CDH13: variants seen among roughly 807,000 people sequenced by gnomAD.
CDH13 encodes the protein cadherin-13.
In CDH13, 24 loss-of-function variants were observed where a neutral mutation model predicts 63.8. The observed-to-expected ratio is 0.38, with a 90% CI of 0.27 to 0.53. The LOEUF (loss-of-function observed/expected upper bound fraction) is 0.53, where lower values mean the gene tolerates loss of function less well. CDH13 is among the 20% of genes least tolerant of loss of function. The probability of loss-of-function intolerance (pLI) is 0.85; values close to 1 mark genes in which losing one functional copy is unlikely to be tolerated. For missense variants in CDH13, 1,049 were observed against 903.1 expected (o/e 1.16, Z -2.07); for synonymous variants, 503 against 355.3 (o/e 1.42, Z -4.67).
At chr16:82,674,047 T>C (rs112273330) in intron 1 of CDH13, among the ~76,000 whole-genome samples, 59 of 152,360 alleles carry the variant, frequency 3.9e-4, no homozygotes, top group African/African-American at 1.4e-3. Flanking sequence ...GCTGATTATG[T>C]TGGTCCTGTT....
chr16:83,081,171 G>A lies in CDH13; in HGVS notation c.367-44214G>A, dbSNP rs149334493. ...GCTGGGATTATAAGCATGAGCCACC[G>A]CACCTGGCAAGATAGAGTCTTTTAA... On this transcript the variant is annotated intron_variant, in intron 3 of 13. Coordinates refer to ENST00000567109, the MANE Select transcript of CDH13 (RefSeq NM_001257.5). 2.4e-4 allele frequency among the ~76,000 whole-genome samples: 37 copies of A among 152,074 alleles called. No homozygotes were observed. In the East Asian group the frequency reaches 4.5e-3, roughly 18 times the overall value.
At chr16:83,745,124 G>T (rs1175486202) in intron 10 of CDH13, among the ~76,000 whole-genome samples, 5 of 152,154 alleles carry the variant, frequency 3.3e-5, no homozygotes, top group African/African-American at 1.2e-4. Context: ...CTCCTGGAGC[G>T]GTGTCCAGCC....
At chr16:83,454,116 C>G (rs951287816) in intron 6 of CDH13, among the ~76,000 whole-genome samples, 1 of 152,192 alleles carries the variant, frequency 6.6e-6, no homozygotes, top group Non-Finnish European at 1.5e-5. Flanking sequence ...CTAGGAGATT[C>G]TCCAAAAGAA....
chr16:83,304,965 G>A (rs530885959), intron 5 of CDH13, among the ~76,000 whole-genome samples: 2 of 152,280 alleles, frequency 1.3e-5, no homozygotes, highest in East Asian at 3.9e-4. Flanking sequence ...TTACAAAGGA[G>A]CATTTTATTT....
Position 83,679,632 on chromosome 16 carries a change from T to G in CDH13, c.1538+1171T>G, listed in dbSNP as rs181467818. On this transcript the variant is annotated intron_variant, in intron 10 of 13. Transcript: ENST00000567109. ...GAATCTGAAATAGCCATTCTTTTTT[T>G]TCTTGTTGCTATCTGACAATGGAAA... Among the ~76,000 whole-genome samples, 3 of 152,354 alleles carry G rather than the reference T, an allele frequency of 2.0e-5. No individual in the cohort carries two copies. In the South Asian group the frequency reaches 6.2e-4, roughly 32 times the overall value.
At chr16:82,810,311 A>G (rs1177894639) in intron 1 of CDH13, among the ~76,000 whole-genome samples, 1 of 152,184 alleles carries the variant, frequency 6.6e-6, no homozygotes, top group Non-Finnish European at 1.5e-5. Context: ...TCTTTGCTAA[A>G]GTTAGGGAGG....
At chr16:82,694,417 A>G (rs936520202) in intron 1 of CDH13, among the ~76,000 whole-genome samples, 2 of 152,226 alleles carry the variant, frequency 1.3e-5, no homozygotes, top group African/African-American at 4.8e-5. Context: ...TCAATGTGAT[A>G]GACAATATTC....
intron 5 of CDH13, among the ~76,000 whole-genome samples, chr16:83,228,379 C>T (rs1352272396): frequency 6.6e-6 from 1 of 152,154 alleles, no homozygotes; most frequent in Non-Finnish European, 1.5e-5. Flanking sequence ...GGTTTGTTTG[C>T]TCAGTATTCA....
intron 1 of CDH13, among the ~76,000 whole-genome samples, chr16:82,790,620 C>T (rs1250101410): frequency 2.0e-5 from 3 of 152,088 alleles, no homozygotes; most frequent in African/African-American, 7.2e-5. Flanking sequence ...TAAGGAAATA[C>T]CGGAGACTAG....
intron 2 of CDH13, chr16:83,022,962 T>C (rs1196371583): frequency 6.6e-6 from 1 of 152,218 alleles, no homozygotes; most frequent in Non-Finnish European, 1.5e-5. Flanking sequence ...CTGCATTTCA[T>C]TTTTTCTGGG....
chr16:83,618,101 G>C (rs1909448512), intron 8 of CDH13, among the ~76,000 whole-genome samples: 1 of 152,148 alleles, frequency 6.6e-6, no homozygotes, highest in Non-Finnish European at 1.5e-5. Context: ...TGACAACAAA[G>C]ACAATCAGAA....
intron 4 of CDH13, among the ~76,000 whole-genome samples, chr16:83,216,429 T>TATATATATATATAAATATAA (rs1555513908): frequency 9.5e-6 from 1 of 105,696 alleles, no homozygotes; most frequent in Non-Finnish European, 2.0e-5. Context: ...TATATATATA[T>TATATATATATATAAATATAA]ATATATATAT....
chr16:83,301,474 T>A (rs1315384314), intron 5 of CDH13, among the ~76,000 whole-genome samples: 1 of 152,146 alleles, frequency 6.6e-6, no homozygotes, highest in Admixed American at 6.5e-5. Flanking sequence ...TCGGAGTTTT[T>A]CTCTCCGTGA....
chr16:83,067,672 AAACATGACTGAAT>A (rs2032121086), intron 3 of CDH13, among the ~76,000 whole-genome samples: 1 of 152,224 alleles, frequency 6.6e-6, no homozygotes, highest in African/African-American at 2.4e-5. Context: ...TAGTCAAGGG[AAACATGACTGAAT>A]AACAAAAGTA....
intron 6 of CDH13, among the ~76,000 whole-genome samples, chr16:83,407,854 A>T (rs17213853): frequency 0.54 from 81,967 of 152,046 alleles, 22,608 homozygotes; most frequent in African/African-American, 0.62. Flanking sequence ...ACAAATGCGT[A>T]ATCGACTCAC....
rs1567590623 is a variant in CDH13, at chr16:82,842,155, TATATATATAC to T, written c.46-16205_46-16196del. 7.7e-4 allele frequency among the ~76,000 whole-genome samples: 24 copies of T among 31,072 alleles called. 1 individual carries two copies. The highest frequency in any genetic ancestry group is 2.0e-3 in the Admixed American group (5 of 2,460). 20.4% of individuals were successfully genotyped at this position (31,072 alleles called of 152,430 possible). ...ATATATATACACATATATATATATATATATATATACACACACACACATATATATACACATA... is the reference window on the plus strand; with the variant it reads ...ATATATATACACATATATATATATATACACACACACATATATATACACATA... On this transcript the variant is annotated intron_variant, in intron 1 of 13. Coordinates refer to ENST00000567109, the MANE Select transcript of CDH13 (RefSeq NM_001257.5).
At chr16:83,472,587 C>T (rs974380395) in intron 6 of CDH13, among the ~76,000 whole-genome samples, 1 of 152,182 alleles carries the variant, frequency 6.6e-6, no homozygotes, top group Non-Finnish European at 1.5e-5. Flanking sequence ...AAGTTGTGTC[C>T]ATTGGCCCTT....
intron 7 of CDH13, among the ~76,000 whole-genome samples, chr16:83,570,824 A>T (rs1224625064): frequency 8.5e-6 from 1 of 117,200 alleles, no homozygotes; most frequent in Non-Finnish European, 1.8e-5. Flanking sequence ...TTATAAATAT[A>T]AATAAAAATT....
At chr16:83,431,673 C>T (rs1005856267) in intron 6 of CDH13, among the ~76,000 whole-genome samples, 1 of 152,204 alleles carries the variant, frequency 6.6e-6, no homozygotes, top group East Asian at 1.9e-4. Flanking sequence ...ATGGTGAGAG[C>T]AGGAGCAAAA....
Sources: gnomAD v4.1 joint callset for allele counts (sites outside exome capture counted in the v4.1 genomes callset) on GRCh38, gnomAD v4.1.1 for gene constraint, MANE v1.5 for transcripts, NCBI Gene and HGNC (gene_info 2026-07-23, HGNC 2026-07-21) for gene names.